The following PKP4 variants were observed in gnomAD, a reference collection of about 807,000 sequenced individuals.
PKP4 encodes the protein plakophilin-4.
Under a neutral mutation model 145.1 loss-of-function variants are expected in PKP4, and 90 were observed. That is an observed-to-expected ratio of 0.62 (90% CI 0.52 to 0.74). PKP4 has a LOEUF of 0.74. Ranked by LOEUF, PKP4 falls within the 30% of genes least tolerant of loss-of-function variation. The pLI, the probability that PKP4 is intolerant of heterozygous loss-of-function variation, is 0.00. For synonymous variants in PKP4, 563 were observed against 577.2 expected (o/e 0.98, Z 0.35); for missense variants, 1,340 against 1,482.7 (o/e 0.90, Z 1.58).
chr2:158,604,007 C>T (rs1020700980), intron 4 of PKP4, among the ~76,000 whole-genome samples: 11 of 152,228 alleles, frequency 7.2e-5, no homozygotes, highest in South Asian at 2.1e-4. Flanking sequence ...AGAAAAATAG[C>T]GTTAACTCAA....
intron 1 of PKP4, among the ~76,000 whole-genome samples, chr2:158,469,445 T>G (rs1691210559): frequency 6.6e-6 from 1 of 152,196 alleles, no homozygotes; most frequent in African/African-American, 2.4e-5. Context: ...CCGTGCTTTT[T>G]GTGTGACTGT....
At chr2:158,612,979 C>G (rs2105874583) in intron 4 of PKP4, among the ~76,000 whole-genome samples, 1 of 152,208 alleles carries the variant, frequency 6.6e-6, no homozygotes, top group South Asian at 2.1e-4. Flanking sequence ...ATGAAAAATG[C>G]AACAACCACT....
At chr2:158,531,340 T>G (rs370512914) in intron 1 of PKP4, among the ~76,000 whole-genome samples, 1 of 152,182 alleles carries the variant, frequency 6.6e-6, no homozygotes, top group Non-Finnish European at 1.5e-5. Context: ...CATTTAAAAT[T>G]TTTGGTTCTT....
chr2:158,623,469 C>T (rs2052455274), intron 6 of PKP4, among the ~76,000 whole-genome samples: 1 of 152,094 alleles, frequency 6.6e-6, no homozygotes, highest in Non-Finnish European at 1.5e-5. Flanking sequence ...AGGTGTCAGC[C>T]ACCACACCCA....
intron 1 of PKP4, among the ~76,000 whole-genome samples, chr2:158,514,246 C>G (rs899915911): frequency 2.0e-5 from 3 of 152,168 alleles, no homozygotes; most frequent in Non-Finnish European, 4.4e-5. Context: ...CAGTGGCAAT[C>G]CAGATGAAAA....
chr2:158,514,285 G>T (rs756199236), intron 1 of PKP4, among the ~76,000 whole-genome samples: 11 of 152,178 alleles, frequency 7.2e-5, no homozygotes, highest in Non-Finnish European at 1.3e-4. Flanking sequence ...AACCAAGAGC[G>T]TATGGTTAGA....
intron 1 of PKP4, among the ~76,000 whole-genome samples, chr2:158,473,942 G>A (rs1053623905): frequency 6.6e-6 from 1 of 152,076 alleles, no homozygotes; most frequent in Non-Finnish European, 1.5e-5. Flanking sequence ...CTAAGGAAAG[G>A]GGAGGACTCT....
intron 3 of PKP4, among the ~76,000 whole-genome samples, chr2:158,582,538 A>G (rs549060241): frequency 3.7e-4 from 57 of 152,328 alleles, no homozygotes; most frequent in Admixed American, 1.1e-3. Flanking sequence ...TAGCCATGGT[A>G]AAGACAAAAA....
At chr2:158,485,459 A>G (rs766091253) in intron 1 of PKP4, among the ~76,000 whole-genome samples, 7 of 152,214 alleles carry the variant, frequency 4.6e-5, no homozygotes, top group African/African-American at 9.6e-5. Flanking sequence ...CATGTAACCT[A>G]TAACACCACT....
intron 2 of PKP4, among the ~76,000 whole-genome samples, chr2:158,556,322 G>C (rs930386992): frequency 2.6e-5 from 4 of 152,130 alleles, no homozygotes; most frequent in Non-Finnish European, 5.9e-5. Flanking sequence ...AGTGTGAAGA[G>C]GCAATCAAAT....
At chr2:158,505,316 G>T (rs2040869453) in intron 1 of PKP4, among the ~76,000 whole-genome samples, 1 of 152,142 alleles carries the variant, frequency 6.6e-6, no homozygotes, top group South Asian at 2.1e-4. Context: ...AATTTTTAGT[G>T]GGTAGCCTAG....
Position 158,680,549 on chromosome 2 carries a change from C to G in PKP4, c.3451C>G (p.Pro1151Ala). Residue 1151 changes from proline (P) to alanine (A), a missense_variant, in exon 22 of 22, where the codon CCA becomes GCA. Coordinates refer to ENST00000389759, the MANE Select transcript of PKP4 (RefSeq NM_003628.6). ...DPYFDDRVHF[P>A]ASTDYSTQYG... ...TTATTTTGATGACCGAGTTCACTTTCCAGCTTCTACTGATTACTCAACACA... is the reference window on the plus strand; with the variant it reads ...TTATTTTGATGACCGAGTTCACTTTGCAGCTTCTACTGATTACTCAACACA... 2 of 1,614,098 alleles carry G rather than the reference C, an allele frequency of 1.2e-6. No individual in the cohort carries two copies. The highest frequency in any genetic ancestry group is 1.3e-5 in the African/African-American group (1 of 75,048).
Position 158,625,091 on chromosome 2 carries a change from T to TCTCC in PKP4, c.818_821dup (p.Tyr275SerfsTer87). The TCTCC allele has an allele frequency of 6.2e-7, 1 of 1,614,104 alleles. No homozygotes were observed. Among genetic ancestry groups the TCTCC allele is most frequent in the Non-Finnish European group, 8.5e-7 (1 of 1,180,018 alleles). On this transcript the variant is annotated frameshift_variant, in exon 7 of 22. Transcript: ENST00000389759. LOFTEE classifies it high-confidence loss of function. Reference sequence around the variant, plus strand: ...CACATTACCTGCTGCACGGGCAGCCTCTCCGTACTCACAGAGACCCGCCTC... The same window carrying TCTCC: ...CACATTACCTGCTGCACGGGCAGCCTCTCCCTCCGTACTCACAGAGACCCGCCTC...
chr2:158,599,325 C>A (rs1187047181), intron 3 of PKP4, among the ~76,000 whole-genome samples: 1 of 152,176 alleles, frequency 6.6e-6, no homozygotes, highest in African/African-American at 2.4e-5. Flanking sequence ...TGAGTGATAG[C>A]CATGTGTCAG....
At chr2:158,573,088 A>G (rs2047542997) in intron 2 of PKP4, among the ~76,000 whole-genome samples, 1 of 152,252 alleles carries the variant, frequency 6.6e-6, no homozygotes, top group South Asian at 2.1e-4. Context: ...GTTTATGATT[A>G]CATAAAGTTG....
chr2:158,574,588 A>G (rs2047685854), intron 2 of PKP4, among the ~76,000 whole-genome samples: 1 of 152,204 alleles, frequency 6.6e-6, no homozygotes, highest in African/African-American at 2.4e-5. Context: ...GCGTGTGTTC[A>G]ACTTGTATTC....
At chr2:158,656,505 C>T (rs2055939943) in intron 11 of PKP4, among the ~76,000 whole-genome samples, 1 of 152,116 alleles carries the variant, frequency 6.6e-6, no homozygotes, top group South Asian at 2.1e-4. Context: ...TCTTAAGTCT[C>T]CCGCCCGTCC....
At chr2:158,650,654 T>C (rs1215027423) in intron 11 of PKP4, among the ~76,000 whole-genome samples, 1 of 151,998 alleles carries the variant, frequency 6.6e-6, no homozygotes, top group Admixed American at 6.5e-5. Flanking sequence ...TCCACACAGC[T>C]CCCTCCTAGG....
intron 4 of PKP4, among the ~76,000 whole-genome samples, chr2:158,613,045 G>A (rs993356461): frequency 5.3e-5 from 8 of 152,130 alleles, no homozygotes; most frequent in African/African-American, 1.9e-4. Context: ...AATTGTGGGT[G>A]CCAACATCTC....
Sources: allele counts gnomAD v4.1 joint callset (sites outside exome capture counted in the v4.1 genomes callset), GRCh38; gene constraint gnomAD v4.1.1; transcripts MANE v1.5; gene names NCBI Gene and HGNC (gene_info 2026-07-23, HGNC 2026-07-21).